Variants in DDX52 observed in about 807,000 individuals in gnomAD.
DDX52 encodes the protein DExD-box helicase 52.
A neutral mutation model predicts 76.1 loss-of-function variants in DDX52; 59 were observed. That is an observed-to-expected ratio of 0.78 (90% confidence interval 0.63 to 0.96). The LOEUF (loss-of-function observed/expected upper bound fraction) is 0.96, where lower values mean the gene tolerates loss of function less well. Ranked by LOEUF, DDX52 falls within the 40% of genes least tolerant of loss-of-function variation. The pLI, the probability that DDX52 is intolerant of heterozygous loss-of-function variation, is 0.00. For missense variants in DDX52, 707 were observed against 703.9 expected (o/e 1.00, Z -0.05); for synonymous variants, 231 against 244.1 (o/e 0.95, Z 0.50).
intron 14 of DDX52, chr17:37,615,002 T>G (rs1568596384): frequency 6.6e-6 from 1 of 152,254 alleles, no homozygotes; most frequent in Non-Finnish European, 1.5e-5. Context: ...AACCAGTTCT[T>G]CTGGCTCCAA....
Position 37,641,780 on chromosome 17 carries a change from C to G in DDX52, c.286+330G>C, listed in dbSNP as rs146066062. On this transcript the variant is annotated intron_variant, in intron 2 of 14. Transcript: ENST00000617633. ...CATTAGCTTGGCAAAAAAATTAACA[C>G]CAATAATATTCAGCACTGACAAGGA... Among the ~76,000 whole-genome samples, 520 of 151,942 alleles carry G rather than the reference C, an allele frequency of 3.4e-3. 4 individuals are homozygous for G. Among genetic ancestry groups the G allele is most frequent in the Non-Finnish European group, 3.5e-3 (239 of 67,936 alleles).
intron 9 of DDX52, 131 bp from the exon 10 acceptor site, chr17:37,621,651 AGTG>A (rs1488832798): frequency 8.2e-7 from 1 of 1,222,410 alleles, no homozygotes; most frequent in Non-Finnish European, 1.1e-6. Context: ...TTCTTGGGCT[AGTG>A]GTCTAATTCT....
At chr17:37,639,361 T>G (rs1196565153) in intron 2 of DDX52, 2 of 985,114 alleles carry the variant, frequency 2.0e-6, no homozygotes, top group African/African-American at 1.7e-5. Flanking sequence ...TTAAAAAAAT[T>G]TTGTTCCCTT....
chr17:37,623,736 G>A (rs137957689), intron 9 of DDX52, among the ~76,000 whole-genome samples: 32 of 152,238 alleles, frequency 2.1e-4, no homozygotes, highest in African/African-American at 7.5e-4. Context: ...TGACTATATG[G>A]ATGCTTAAAA....
At position 37,641,966 on chromosome 17, in the gene DDX52, T is replaced by G. The variant is rs907061211; in HGVS notation, c.286+144A>C. 7 of 963,708 alleles carry G rather than the reference T, an allele frequency of 7.3e-6. No individual in the cohort carries two copies. The African/African-American group carries it at 1.2e-4, about 16-fold the overall frequency. 59.7% of individuals were successfully genotyped at this position (963,708 alleles called of 1,614,324 possible). A position where few individuals can be genotyped will look rare whatever the true frequency, so the allele number is the denominator to read the frequency against. ...AAAATTACCTTTGCTGTAACAATAT[T>G]TCTAATGACAAATACCTGGAAACAA... On this transcript the variant is annotated intron_variant, in intron 2 of 14. Transcript: ENST00000617633.
At position 37,643,439 on chromosome 17, in the gene DDX52, A is replaced by G; in HGVS notation, c.-19T>C. On this transcript the variant is annotated 5_prime_UTR_variant, in exon 1 of 15. Transcript: ENST00000617633. ...CGTCCATCTTTACCCAGAAAGCGCC[A>G]CAGTTCTACGGCGCCTGCGCAGACT... 1 of 1,613,216 alleles carries G rather than the reference A, an allele frequency of 6.2e-7. No individual in the cohort carries two copies. The highest frequency in any genetic ancestry group is 8.5e-7 in the Non-Finnish European group (1 of 1,179,694).
At chr17:37,640,154 G>C (rs1159975060) in intron 2 of DDX52, among the ~76,000 whole-genome samples, 1 of 152,068 alleles carries the variant, frequency 6.6e-6, no homozygotes, top group African/African-American at 2.4e-5. Context: ...AGAATTTATG[G>C]GACAGATATA....
chr17:37,610,127 A>AT lies in DDX52; in HGVS notation c.*4168dup, dbSNP rs34469094. ...AGCTATTTCGGCATATTTTTTACTG[A>AT]TTTTTTTTTTTTTTGAGACAGGGTC... On this transcript the variant is annotated 3_prime_UTR_variant, in exon 15 of 15. Coordinates refer to ENST00000617633, the MANE Select transcript of DDX52 (RefSeq NM_007010.5). 60,153 of 144,012 alleles carry AT rather than the reference A, an allele frequency of 0.42. 12,531 individuals carry two copies. The highest frequency in any genetic ancestry group is 0.66 in the East Asian group (3,291 of 4,972). 8.9% of individuals were successfully genotyped at this position (144,012 alleles called of 1,614,324 possible).
At chr17:37,642,474 A>G (rs17138576) in intron 1 of DDX52, among the ~76,000 whole-genome samples, 166 bp from the exon 2 acceptor site, 484 of 152,338 alleles carry the variant, frequency 3.2e-3, no homozygotes, top group African/African-American at 0.011. Context: ...CTCTGACCTC[A>G]TAATAGTAAC....
chr17:37,640,442 T>C (rs1208792144), intron 2 of DDX52, among the ~76,000 whole-genome samples: 1 of 151,962 alleles, frequency 6.6e-6, no homozygotes, highest in African/African-American at 2.4e-5. Flanking sequence ...AAACAAAGTA[T>C]GAGGAGTATT....
intron 8 of DDX52, among the ~76,000 whole-genome samples, chr17:37,625,045 AC>A (rs2030295997): frequency 6.6e-6 from 1 of 151,960 alleles, no homozygotes; most frequent in South Asian, 2.1e-4. Context: ...TCACTCTGTC[AC>A]CCAGGCTGGA....
rs1043844351 is a variant in DDX52 at position 37,639,774 on chromosome 17, A to G, written c.286+2336T>C. Among the ~76,000 whole-genome samples the G allele has an allele frequency of 2.0e-5, 3 of 151,976 alleles. No individual in the cohort carries two copies. The South Asian group carries it at 6.2e-4, about 32-fold the overall frequency. On this transcript the variant is annotated intron_variant, in intron 2 of 14. Transcript: ENST00000617633. ...AAAAAAAATTGATACATGCCTACACATTTATCATAGATCTACGGCCTAAAT... is the reference window on the plus strand; with the variant it reads ...AAAAAAAATTGATACATGCCTACACGTTTATCATAGATCTACGGCCTAAAT...
In DDX52 at chr17:37,611,069, T is replaced by C. The variant is rs997896223; in HGVS notation, c.*3227A>G. 2 of 152,268 alleles carry C rather than the reference T, an allele frequency of 1.3e-5. No individual in the cohort carries two copies. The highest frequency in any genetic ancestry group is 2.4e-5 in the African/African-American group (1 of 41,468). 9.4% of individuals were successfully genotyped at this position (152,268 alleles called of 1,614,324 possible). A position where few individuals can be genotyped will look rare whatever the true frequency, so the allele number is the denominator to read the frequency against. ...TTCCTCTTCTTTGCCTATTGGTTTTTACATTTGCAGGATTCAACTCAGGAT... is the reference window on the plus strand; with the variant it reads ...TTCCTCTTCTTTGCCTATTGGTTTTCACATTTGCAGGATTCAACTCAGGAT... On this transcript the variant is annotated 3_prime_UTR_variant, in exon 15 of 15. Coordinates refer to ENST00000617633, the MANE Select transcript of DDX52 (RefSeq NM_007010.5).
chr17:37,617,806 T>G (rs2029880849), intron 14 of DDX52, among the ~76,000 whole-genome samples: 2 of 152,152 alleles, frequency 1.3e-5, no homozygotes, highest in African/African-American at 4.8e-5. Context: ...CATCAACATA[T>G]TGGTACAGAA....
intron 2 of DDX52, chr17:37,639,345 A>G: frequency 3.1e-6 from 3 of 978,272 alleles, no homozygotes; most frequent in Non-Finnish European, 3.6e-6. Context: ...GCAAAGTAGA[A>G]TAACTTTAAA....
Position 37,618,919 on chromosome 17 carries a change from C to T in DDX52, c.1650-535G>A, listed in dbSNP as rs1401750829. Among the ~76,000 whole-genome samples, 9 of 152,366 alleles carry T rather than the reference C, an allele frequency of 5.9e-5. No homozygotes were observed. The South Asian group carries it at 1.7e-3, about 28-fold the overall frequency. ...ATTCAATCAACCTTTTAGAAAGCTA[C>T]TGACTGTGATTAAAATATGTCCTGT... is the stretch of plus-strand genomic sequence containing the variant. On this transcript the variant is annotated intron_variant, in intron 13 of 14. Coordinates refer to ENST00000617633, the MANE Select transcript of DDX52 (RefSeq NM_007010.5).
chr17:37,621,546 C>T (rs2030096293), intron 9 of DDX52, 26 bp from the exon 10 acceptor site: 1 of 1,590,584 alleles, frequency 6.3e-7, no homozygotes, highest in Non-Finnish European at 8.5e-7. Context: ...AATTGGCATA[C>T]ATAACTCAAT....
chr17:37,617,479 G>C (rs767500359), intron 14 of DDX52, among the ~76,000 whole-genome samples: 2 of 152,080 alleles, frequency 1.3e-5, no homozygotes, highest in Non-Finnish European at 2.9e-5. Flanking sequence ...AGTATTACTG[G>C]GCAAAATAAG....
chr17:37,625,286 C>G (rs2030308037), intron 8 of DDX52, among the ~76,000 whole-genome samples: 1 of 152,122 alleles, frequency 6.6e-6, no homozygotes, highest in Non-Finnish European at 1.5e-5. Flanking sequence ...AGGCACCGTA[C>G]CCAACCTTGC....
Sources: allele counts gnomAD v4.1 joint callset (sites outside exome capture counted in the v4.1 genomes callset), GRCh38; gene constraint gnomAD v4.1.1; transcripts MANE v1.5; gene names NCBI Gene and HGNC (gene_info 2026-07-23, HGNC 2026-07-21).